CCSER1: variants seen among roughly 807,000 people sequenced by gnomAD.
CCSER1 encodes coiled-coil serine rich protein 1.
Under a neutral mutation model 82.0 loss-of-function variants are expected in CCSER1, and 41 were observed. The observed-to-expected ratio is 0.50, with a 90% confidence interval of 0.39 to 0.65. CCSER1 has a LOEUF of 0.65. Ranked by LOEUF, CCSER1 falls within the 30% of genes least tolerant of loss-of-function variation. The pLI is 0.00. For missense variants in CCSER1, 1,119 were observed against 1,064.2 expected (o/e 1.05, Z -0.72); for synonymous variants, 414 against 383.9 (o/e 1.08, Z -0.92).
chr4:90,602,140 C>G (rs1022579305), intron 5 of CCSER1, among the ~76,000 whole-genome samples: 2 of 152,114 alleles, frequency 1.3e-5, no homozygotes, highest in Admixed American at 1.3e-4. Context: ...GAAGCTCTGA[C>G]TATAATGGGG....
chr4:90,308,446 T>C lies in CCSER1; in HGVS notation c.162T>C (p.Gly54=). ...SSPSSTNSSS[G]STGKRRSIFR... ...CTTCCAGCACTAACTCAAGCTCAGG[T>C]AGCACAGGTAAACGGAGGAGCATAT... Residue 54 remains glycine, a synonymous_variant, in exon 2 of 11, where the codon GGT becomes GGC. Coordinates refer to ENST00000509176, the MANE Select transcript of CCSER1 (RefSeq NM_001145065.2). 6.2e-7 allele frequency: 1 copy of C among 1,613,878 alleles called. No individual in the cohort carries two copies. The highest frequency in any genetic ancestry group is 8.5e-7 in the Non-Finnish European group (1 of 1,179,830).
chr4:90,583,135 A>G (rs1321904816), intron 5 of CCSER1, among the ~76,000 whole-genome samples: 1 of 152,144 alleles, frequency 6.6e-6, no homozygotes, highest in Non-Finnish European at 1.5e-5. Context: ...CGTTAATTAT[A>G]TTACATTATT....
At chr4:91,474,098 A>G (rs779575824) in intron 10 of CCSER1, among the ~76,000 whole-genome samples, 5 of 152,026 alleles carry the variant, frequency 3.3e-5, no homozygotes, top group Admixed American at 6.6e-5. Context: ...TGTTCTATCT[A>G]ATTTCCTTGA....
chr4:91,010,180 G>T (rs1738890166), intron 9 of CCSER1, among the ~76,000 whole-genome samples: 1 of 152,024 alleles, frequency 6.6e-6, no homozygotes, highest in African/African-American at 2.4e-5. Context: ...GTTCCCAAGT[G>T]GCAGGGTTTT....
At chr4:91,076,475 A>T (rs888177169) in intron 9 of CCSER1, among the ~76,000 whole-genome samples, 1 of 152,108 alleles carries the variant, frequency 6.6e-6, no homozygotes, top group African/African-American at 2.4e-5. Flanking sequence ...ATTTTGACTG[A>T]TGGAAGTTTA....
chr4:90,194,481 C>T (rs1688215414), intron 1 of CCSER1, among the ~76,000 whole-genome samples: 1 of 151,970 alleles, frequency 6.6e-6, no homozygotes, highest in African/African-American at 2.4e-5. Flanking sequence ...TAGGTTTAGA[C>T]TTCATGGTGT....
intron 6 of CCSER1, among the ~76,000 whole-genome samples, chr4:90,697,298 A>G (rs1183337385): frequency 6.6e-6 from 1 of 152,180 alleles, no homozygotes; most frequent in South Asian, 2.1e-4. Flanking sequence ...AAGTTTCAGA[A>G]GCCTGCGCAA....
chr4:91,513,699 G>T (rs1196555671), intron 10 of CCSER1, among the ~76,000 whole-genome samples: 1 of 152,052 alleles, frequency 6.6e-6, no homozygotes. Flanking sequence ...GTGAGATAGT[G>T]TGTTTCCAGG....
intron 10 of CCSER1, among the ~76,000 whole-genome samples, chr4:91,200,818 A>G (rs1324007218): frequency 2.0e-5 from 3 of 152,078 alleles, no homozygotes; most frequent in Non-Finnish European, 4.4e-5. Context: ...TTATGTAGAT[A>G]CATTAATTAT....
At chr4:91,462,558 G>A (rs999280995) in intron 10 of CCSER1, among the ~76,000 whole-genome samples, 7 of 152,184 alleles carry the variant, frequency 4.6e-5, no homozygotes, top group South Asian at 4.1e-4. Flanking sequence ...AGCAGGGCAC[G>A]GCATCGCCTC....
intron 10 of CCSER1, among the ~76,000 whole-genome samples, chr4:91,419,380 G>A (rs989165377): frequency 1.1e-4 from 16 of 151,914 alleles, no homozygotes; most frequent in Admixed American, 1.3e-4. Flanking sequence ...TGGTAAAATC[G>A]TAGATTCAAT....
intron 10 of CCSER1, among the ~76,000 whole-genome samples, chr4:91,440,848 G>A (rs1423693138): frequency 6.6e-6 from 1 of 152,160 alleles, no homozygotes; most frequent in Non-Finnish European, 1.5e-5. Context: ...ACACCTCTAT[G>A]CAAGTAAACT....
intron 9 of CCSER1, among the ~76,000 whole-genome samples, chr4:91,022,536 T>G (rs1291886214): frequency 6.6e-6 from 1 of 152,140 alleles, no homozygotes; most frequent in Non-Finnish European, 1.5e-5. Context: ...GTAATGGGAT[T>G]GCTAGGTCAA....
intron 9 of CCSER1, among the ~76,000 whole-genome samples, chr4:91,008,669 C>T (rs549588343): frequency 3.5e-4 from 53 of 152,158 alleles, no homozygotes; most frequent in Non-Finnish European, 6.6e-4. Flanking sequence ...TTTTCTGTGT[C>T]TTTGATTGGA....
At chr4:91,027,745 G>A (rs1021347326) in intron 9 of CCSER1, among the ~76,000 whole-genome samples, 4 of 152,026 alleles carry the variant, frequency 2.6e-5, no homozygotes, top group African/African-American at 9.7e-5. Flanking sequence ...ATTGCCTTTG[G>A]AGTTTGCTAT....
chr4:90,359,879 G>GTATATATATGTGTGTGTGTATATA (rs1745015430), intron 3 of CCSER1, among the ~76,000 whole-genome samples: 1 of 145,186 alleles, frequency 6.9e-6, no homozygotes, highest in Non-Finnish European at 1.5e-5. Flanking sequence ...ATATATGTGT[G>GTATATATATGTGTGTGTGTATATA]TATATATATG....
At chr4:91,441,197 T>C (rs927678979) in intron 10 of CCSER1, among the ~76,000 whole-genome samples, 1 of 152,044 alleles carries the variant, frequency 6.6e-6, no homozygotes, top group Non-Finnish European at 1.5e-5. Flanking sequence ...ATATCCTTGA[T>C]GAACATTGAT....
intron 6 of CCSER1, among the ~76,000 whole-genome samples, chr4:90,647,619 A>G (rs1014956546): frequency 5.9e-5 from 9 of 152,180 alleles, no homozygotes; most frequent in Non-Finnish European, 7.4e-5. Flanking sequence ...TGAAAAATAA[A>G]AACTATTTTT....
chr4:90,650,429 A>T (rs1486117716), intron 6 of CCSER1, among the ~76,000 whole-genome samples: 1 of 152,198 alleles, frequency 6.6e-6, no homozygotes, highest in Non-Finnish European at 1.5e-5. Context: ...GATAGTTTGG[A>T]CACCAGACTT....
Sources: allele counts gnomAD v4.1 joint callset (sites outside exome capture counted in the v4.1 genomes callset), GRCh38; gene constraint gnomAD v4.1.1; transcripts MANE v1.5; gene names NCBI Gene and HGNC (gene_info 2026-07-23, HGNC 2026-07-21).